Variants in PRR16 observed in about 807,000 individuals in gnomAD.
PRR16 encodes the protein proline rich 16.
In PRR16, 6 loss-of-function variants were observed where a neutral mutation model predicts 18.2. The ratio of observed to expected loss-of-function variants is 0.33; its 90% confidence interval spans 0.18 to 0.65. The LOEUF (loss-of-function observed/expected upper bound fraction) is 0.65. Among genes scored for constraint, PRR16 ranks in the 30% least tolerant of loss-of-function variants. PRR16 has a pLI of 0.74. For missense variants in PRR16, 412 were observed against 376.6 expected, an observed-to-expected ratio of 1.09 and a Z score of -0.78; for synonymous variants, 151 against 147.8, an observed-to-expected ratio of 1.02 and a Z score of -0.16.
intron 1 of PRR16, among the ~76,000 whole-genome samples, chr5:120,675,123 C>T (rs56031914): frequency 0.3 from 45,124 of 151,922 alleles, 7,102 homozygotes; most frequent in Middle Eastern, 0.41. Flanking sequence ...AAAAATCTCA[C>T]GATACTTAGT....
the PRR16 span, among the ~76,000 whole-genome samples, chr5:120,720,374 C>T: frequency 1.3e-5 from 2 of 151,942 alleles, no homozygotes; most frequent in African/African-American, 4.8e-5. Flanking sequence ...CCATCTTCTT[C>T]ATCTTTTCCA....
At chr5:120,774,905 G>A in the PRR16 span, among the ~76,000 whole-genome samples, 1 of 152,068 alleles carries the variant, frequency 6.6e-6, no homozygotes, top group Non-Finnish European at 1.5e-5. Context: ...AGGTATTTAT[G>A]ACTTCAAAAA....
intron 1 of PRR16, among the ~76,000 whole-genome samples, chr5:120,484,635 T>A (rs1356512530): frequency 1.4e-5 from 2 of 146,756 alleles, no homozygotes; most frequent in Non-Finnish European, 3.0e-5. Flanking sequence ...TACACTTATA[T>A]ATAATATATA....
At chr5:120,633,642 T>G (rs1188056963) in intron 1 of PRR16, among the ~76,000 whole-genome samples, 1 of 152,102 alleles carries the variant, frequency 6.6e-6, no homozygotes, top group Non-Finnish European at 1.5e-5. Flanking sequence ...CATTATATAA[T>G]GATAAAAGAA....
intron 1 of PRR16, among the ~76,000 whole-genome samples, chr5:120,507,089 G>A: frequency 6.6e-6 from 1 of 152,024 alleles, no homozygotes; most frequent in East Asian, 1.9e-4. Flanking sequence ...TCCTTTCTGT[G>A]ATGATTTGTC....
At chr5:120,695,706 T>A in the PRR16 span, among the ~76,000 whole-genome samples, 1 of 152,136 alleles carries the variant, frequency 6.6e-6, no homozygotes. Flanking sequence ...CACTTCAAAG[T>A]CTATCTTAAT....
At chr5:120,588,940 A>G (rs369786851) in intron 1 of PRR16, among the ~76,000 whole-genome samples, 1 of 151,974 alleles carries the variant, frequency 6.6e-6, no homozygotes, top group East Asian at 1.9e-4. Flanking sequence ...TTTTTATACT[A>G]AAGCCCAGTT....
chr5:120,679,693 G>A (rs111535082), intron 1 of PRR16, among the ~76,000 whole-genome samples: 1,984 of 152,100 alleles, frequency 0.013, 16 homozygotes, highest in South Asian at 0.018. Flanking sequence ...AAACCCTGCC[G>A]TTTGCCACAC....
the PRR16 span, among the ~76,000 whole-genome samples, chr5:120,774,350 T>C: frequency 6.6e-6 from 1 of 152,298 alleles, no homozygotes; most frequent in East Asian, 1.9e-4. Context: ...ACTTTGTAGT[T>C]CTATTCTAGA....
At chr5:120,701,740 A>G in the PRR16 span, among the ~76,000 whole-genome samples, 37 of 152,282 alleles carry the variant, frequency 2.4e-4, 1 homozygote, top group South Asian at 5.4e-3. Context: ...GGGGATAGAC[A>G]GGAGGGAAAG....
intron 1 of PRR16, among the ~76,000 whole-genome samples, chr5:120,497,693 T>C (rs1750302932): frequency 6.6e-6 from 1 of 151,982 alleles, no homozygotes; most frequent in African/African-American, 2.4e-5. Flanking sequence ...CCGGCTGAAT[T>C]GATTCTTTTA....
At chr5:120,784,222 C>T in the PRR16 span, among the ~76,000 whole-genome samples, 1 of 152,116 alleles carries the variant, frequency 6.6e-6, no homozygotes, top group Non-Finnish European at 1.5e-5. Context: ...GAGCTATATA[C>T]ACAGCAGTGG....
chr5:120,503,741 A>C (rs1039607060), intron 1 of PRR16, among the ~76,000 whole-genome samples: 56 of 150,978 alleles, frequency 3.7e-4, no homozygotes, highest in African/African-American at 1.3e-3. Flanking sequence ...TGCACCCATT[A>C]ACTCGTCATT....
At chr5:120,729,164 G>C in the PRR16 span, among the ~76,000 whole-genome samples, 1 of 152,044 alleles carries the variant, frequency 6.6e-6, no homozygotes, top group Non-Finnish European at 1.5e-5. Context: ...CATCTAGGCA[G>C]GACAAATGTG....
chr5:120,776,780 G>A, the PRR16 span, among the ~76,000 whole-genome samples: 1 of 151,710 alleles, frequency 6.6e-6, no homozygotes, highest in African/African-American at 2.4e-5. Context: ...TGCAGAATAG[G>A]GTCAAAATTA....
intron 1 of PRR16, among the ~76,000 whole-genome samples, chr5:120,643,510 G>A (rs965609028): frequency 6.6e-6 from 1 of 152,038 alleles, no homozygotes; most frequent in African/African-American, 2.4e-5. Flanking sequence ...TGGTCAAAAT[G>A]CTACAAATCC....
At chr5:120,772,008 CCTTT>C in the PRR16 span, among the ~76,000 whole-genome samples, 5 of 151,878 alleles carry the variant, frequency 3.3e-5, no homozygotes, top group Admixed American at 1.3e-4. Flanking sequence ...GATATTATAT[CCTTT>C]CTTTAAGCTG....
chr5:120,612,792 A>G (rs1302260280), intron 1 of PRR16, among the ~76,000 whole-genome samples: 2 of 152,216 alleles, frequency 1.3e-5, no homozygotes, highest in Non-Finnish European at 2.9e-5. Flanking sequence ...AAATGCTAAT[A>G]AATGTAATTC....
intron 1 of PRR16, among the ~76,000 whole-genome samples, chr5:120,473,429 G>A (rs762520354): frequency 2.6e-5 from 4 of 152,138 alleles, no homozygotes; most frequent in African/African-American, 7.2e-5. Flanking sequence ...TTGCTCTGCT[G>A]TGCAATATTG....
Sources: gnomAD v4.1 joint callset for allele counts (sites outside exome capture counted in the v4.1 genomes callset) on GRCh38, gnomAD v4.1.1 for gene constraint, MANE v1.5 for transcripts, NCBI Gene and HGNC (gene_info 2026-07-23, HGNC 2026-07-21) for gene names.